Variants in RBMS3 observed in about 807,000 individuals in gnomAD.
RBMS3 encodes RNA binding motif single stranded interacting protein 3.
RBMS3 carries 27 observed loss-of-function variants against 66.8 expected under a neutral mutation model. The observed-to-expected ratio is 0.40, with a 90% CI of 0.30 to 0.56. RBMS3 has a LOEUF of 0.56. Ranked by LOEUF, RBMS3 falls within the 20% of genes least tolerant of loss-of-function variation. The pLI is 0.40. For missense variants in RBMS3, 513 were observed against 549.5 expected (o/e 0.93, Z 0.66); for synonymous variants, 188 against 183.0 (o/e 1.03, Z -0.22).
intron 5 of RBMS3, among the ~76,000 whole-genome samples, chr3:29,762,616 A>G (rs2055740841): frequency 6.6e-6 from 1 of 152,144 alleles, no homozygotes; most frequent in Non-Finnish European, 1.5e-5. Context: ...AACACTTTCA[A>G]TTGCCAAATA....
intron 6 of RBMS3, among the ~76,000 whole-genome samples, chr3:29,763,838 C>A (rs2055803880): frequency 6.6e-6 from 1 of 151,982 alleles, no homozygotes; most frequent in African/African-American, 2.4e-5. Context: ...CGTAAAGATT[C>A]ATCTGAATAA....
chr3:29,897,904 T>G (rs2060163633), intron 9 of RBMS3, among the ~76,000 whole-genome samples: 1 of 151,676 alleles, frequency 6.6e-6, no homozygotes, highest in South Asian at 2.1e-4. Flanking sequence ...CTGGTAAAGC[T>G]ACACAGATAG....
At chr3:29,745,003 G>C (rs2054821428) in intron 5 of RBMS3, among the ~76,000 whole-genome samples, 1 of 152,018 alleles carries the variant, frequency 6.6e-6, no homozygotes. Flanking sequence ...AAATTCCTTT[G>C]ACTGGAAAGA....
At chr3:29,768,748 A>G (rs2056045800) in intron 6 of RBMS3, among the ~76,000 whole-genome samples, 1 of 151,956 alleles carries the variant, frequency 6.6e-6, no homozygotes, top group Admixed American at 6.6e-5. Flanking sequence ...ATCCTTTGGA[A>G]GGATAATTCT....
At chr3:29,445,772 A>G (rs1393651363) in intron 2 of RBMS3, among the ~76,000 whole-genome samples, 1 of 152,178 alleles carries the variant, frequency 6.6e-6, no homozygotes, top group East Asian at 1.9e-4. Context: ...ATTTTAAAAA[A>G]CAAATTTTTG....
At chr3:29,655,497 T>C (rs1164975066) in intron 4 of RBMS3, among the ~76,000 whole-genome samples, 4 of 152,342 alleles carry the variant, frequency 2.6e-5, no homozygotes, top group African/African-American at 9.6e-5. Context: ...AAAATTCCTA[T>C]TCCTAAGTGA....
intron 2 of RBMS3, among the ~76,000 whole-genome samples, chr3:29,438,028 TTCTCTCTCTCTC>T (rs34431369): frequency 7.0e-6 from 1 of 142,462 alleles, no homozygotes; most frequent in African/African-American, 2.6e-5. Flanking sequence ...CCTTGCTTGT[TTCTCTCTCTCTC>T]TCTCTCTCTC....
chr3:29,493,649 C>T (rs1293352258), intron 3 of RBMS3, among the ~76,000 whole-genome samples: 3 of 151,724 alleles, frequency 2.0e-5, no homozygotes, highest in African/African-American at 7.3e-5. Flanking sequence ...GAAAAAAATA[C>T]AGCTCTTGGA....
chr3:29,704,280 CT>C (rs1264350860), intron 4 of RBMS3, among the ~76,000 whole-genome samples: 2 of 152,174 alleles, frequency 1.3e-5, no homozygotes, highest in African/African-American at 4.8e-5. Flanking sequence ...TTGGGGACCC[CT>C]GATTTAATCT....
chr3:29,329,937 A>G (rs1376471238), intron 1 of RBMS3, among the ~76,000 whole-genome samples: 1 of 148,696 alleles, frequency 6.7e-6, no homozygotes, highest in Non-Finnish European at 1.5e-5. Context: ...ATATATATTA[A>G]TATAACTTTT....
At chr3:29,439,564 C>A (rs773285272) in intron 2 of RBMS3, among the ~76,000 whole-genome samples, 1 of 150,318 alleles carries the variant, frequency 6.7e-6, no homozygotes, top group Non-Finnish European at 1.5e-5. Context: ...AGAATAGAAC[C>A]CAAATGAGTT....
At chr3:29,967,341 T>C (rs973283205) in intron 12 of RBMS3, among the ~76,000 whole-genome samples, 3 of 152,112 alleles carry the variant, frequency 2.0e-5, no homozygotes, top group African/African-American at 7.2e-5. Flanking sequence ...TTTGTTTTTA[T>C]TTTTGTTTTT....
intron 2 of RBMS3, among the ~76,000 whole-genome samples, chr3:29,472,731 G>GA (rs1359268968): frequency 6.7e-6 from 1 of 148,352 alleles, no homozygotes; most frequent in African/African-American, 2.5e-5. Flanking sequence ...CTTCAGGAGT[G>GA]AAGCTGCAGA....
intron 6 of RBMS3, among the ~76,000 whole-genome samples, chr3:29,779,706 AATATATATAT>A (rs566888716): frequency 4.8e-4 from 51 of 107,062 alleles, no homozygotes; most frequent in African/African-American, 1.1e-3. Context: ...ATTAAGATGA[AATATATATAT>A]ATATATATAA....
rs574840743 is a variant in RBMS3 at position 29,415,605 on chromosome 3, A to G, written c.76-19138A>G. The stretch of plus-strand genomic sequence containing the variant: ...ATGTGGGATAGATTAGAGTACTTGG[A>G]GCTTGGGAACAGGAAATACAATTTG... On this transcript the variant is annotated intron_variant, in intron 1 of 14. Coordinates refer to ENST00000383767, the MANE Select transcript of RBMS3 (RefSeq NM_001003793.3). 7.9e-5 allele frequency among the ~76,000 whole-genome samples: 12 copies of G among 152,252 alleles called. No homozygotes were observed. In the South Asian group the frequency reaches 2.5e-3, roughly 32 times the overall value.
chr3:29,794,750 G>C (rs942956989), intron 6 of RBMS3, among the ~76,000 whole-genome samples: 1 of 152,134 alleles, frequency 6.6e-6, no homozygotes, highest in African/African-American at 2.4e-5. Flanking sequence ...TGACTGCCTT[G>C]AATCCTCAAG....
intron 1 of RBMS3, 67 bp downstream of exon 1, chr3:29,281,823 A>G: frequency 1.5e-6 from 2 of 1,365,982 alleles, no homozygotes; most frequent in Non-Finnish European, 2.1e-6. Context: ...GGAAACAGAC[A>G]GGCGTGTGAA....
At chr3:29,472,717 C>T (rs1424192771) in intron 2 of RBMS3, among the ~76,000 whole-genome samples, 1 of 150,008 alleles carries the variant, frequency 6.7e-6, no homozygotes, top group Non-Finnish European at 1.5e-5. Context: ...CGTGGTCTCG[C>T]TGGCTTCAGG....
chr3:29,500,838 C>CTGTGTGTGTG (rs58254082), intron 3 of RBMS3, among the ~76,000 whole-genome samples: 70 of 148,280 alleles, frequency 4.7e-4, no homozygotes, highest in African/African-American at 1.5e-3. Flanking sequence ...GTCAGTACAT[C>CTGTGTGTGTG]TGTGTGTGTG....
Sources: gnomAD v4.1 joint callset for allele counts (sites outside exome capture counted in the v4.1 genomes callset) on GRCh38, gnomAD v4.1.1 for gene constraint, MANE v1.5 for transcripts, NCBI Gene and HGNC (gene_info 2026-07-23, HGNC 2026-07-21) for gene names.